IL17RB: variants seen among roughly 807,000 people sequenced by gnomAD.
The protein encoded by IL17RB is interleukin-17 receptor B.
In IL17RB, 36 loss-of-function variants were observed where a neutral mutation model predicts 43.9. The ratio of observed to expected loss-of-function variants is 0.82; its 90% confidence interval spans 0.63 to 1.08. The LOEUF (loss-of-function observed/expected upper bound fraction) is 1.08. Ranked by LOEUF, IL17RB falls within the 50% of genes least tolerant of loss-of-function variation. IL17RB has a pLI of 0.00. For missense variants in IL17RB, 613 were observed against 613.6 expected, an observed-to-expected ratio of 1.00 and a Z score of 0.01; for synonymous variants, 225 against 225.4, an observed-to-expected ratio of 1.00 and a Z score of 0.02.
At chr3:53,857,353 A>C (rs1699376534) in intron 7 of IL17RB, among the ~76,000 whole-genome samples, 1 of 152,122 alleles carries the variant, frequency 6.6e-6, no homozygotes, top group African/African-American at 2.4e-5. Context: ...TGGCACAATC[A>C]CAGCTTAGTG....
In IL17RB at chr3:53,852,038, C is replaced by T. The variant is rs144093518; in HGVS notation, c.266C>T (p.Thr89Met). 1.7e-5 allele frequency: 28 copies of T among 1,614,064 alleles called. No homozygotes were observed. Among genetic ancestry groups the T allele is most frequent in the African/African-American group, 5.3e-5 (4 of 74,994 alleles). Residue 89 changes from threonine to methionine, a missense_variant, in exon 4 of 11, where the codon ACG becomes ATG. Thr to Met is a moderately conservative substitution (Grantham distance 81). Transcript: ENST00000288167. ...TTGAAGGCCACCAAGATTTGTGTGA[C>T]GGGCAAAAGCAACTTCCAGTCCTAC... ...RLLKATKICV[T>M]GKSNFQSYSC...
chr3:53,861,329 T>G (rs1399542451), intron 10 of IL17RB: 1 of 151,264 alleles, frequency 6.6e-6, no homozygotes, highest in Non-Finnish European at 1.5e-5. Flanking sequence ...AAAAGCCAAA[T>G]TGCTTGATAT....
intron 5 of IL17RB, 120 bp from the exon 6 acceptor site, chr3:53,855,174 C>T: frequency 2.7e-6 from 1 of 372,014 alleles, no homozygotes; most frequent in South Asian, 4.7e-5. Context: ...CATCTTACAT[C>T]TGGAATGTTT....
chr3:53,856,258 A>T (rs1481286212), intron 6 of IL17RB, among the ~76,000 whole-genome samples: 3 of 152,192 alleles, frequency 2.0e-5, no homozygotes, highest in African/African-American at 7.2e-5. Context: ...TGTTCCTGGA[A>T]ATCAGTCCAG....
intron 10 of IL17RB, among the ~76,000 whole-genome samples, chr3:53,863,755 A>C (rs887416808): frequency 1.1e-4 from 16 of 152,100 alleles, no homozygotes; most frequent in African/African-American, 3.9e-4. Flanking sequence ...TGAAGTGCAG[A>C]GGTCAAGTGT....
chr3:53,853,318 A>G (rs1292966430), intron 5 of IL17RB, among the ~76,000 whole-genome samples: 1 of 152,258 alleles, frequency 6.6e-6, no homozygotes. Context: ...CTGAGAGGTT[A>G]AGTCACTTTC....
At chr3:53,856,013 C>G (rs1559778448) in intron 6 of IL17RB, among the ~76,000 whole-genome samples, 1 of 152,132 alleles carries the variant, frequency 6.6e-6, no homozygotes, top group Non-Finnish European at 1.5e-5. Context: ...TCTTAGGCAC[C>G]CTTCACTGCA....
At chr3:53,858,488 G>C (rs1461125289) in intron 8 of IL17RB, 1 of 1,384,928 alleles carries the variant, frequency 7.2e-7, no homozygotes, top group Non-Finnish European at 9.4e-7. Context: ...TTAGTAACGT[G>C]TACAAAGTTT....
intron 9 of IL17RB, chr3:53,859,203 A>T (rs1187761808): frequency 6.3e-6 from 1 of 159,966 alleles, no homozygotes; most frequent in African/African-American, 2.4e-5. Context: ...GTGGCCCAGG[A>T]TGAGCTTTTG....
intron 8 of IL17RB, chr3:53,858,254 A>C (rs1301598837): frequency 4.2e-6 from 3 of 715,426 alleles, no homozygotes; most frequent in Non-Finnish European, 5.2e-6. Flanking sequence ...TCCCTGGCAT[A>C]AAAAGTGCTC....
intron 1 of IL17RB, among the ~76,000 whole-genome samples, chr3:53,848,373 G>A (rs1699013954): frequency 6.6e-6 from 1 of 152,230 alleles, no homozygotes; most frequent in Non-Finnish European, 1.5e-5. Flanking sequence ...GCTTGCAGCA[G>A]GGAAGGATGA....
At chr3:53,846,829 G>C (rs975313535) in intron 1 of IL17RB, among the ~76,000 whole-genome samples, 181 bp downstream of exon 1, 1 of 152,228 alleles carries the variant, frequency 6.6e-6, no homozygotes, top group Non-Finnish European at 1.5e-5. Context: ...TCAGGGGCGT[G>C]GGAATCAGAC....
intron 10 of IL17RB, among the ~76,000 whole-genome samples, chr3:53,863,270 C>G (rs1040569832): frequency 6.6e-6 from 1 of 152,136 alleles, no homozygotes; most frequent in Non-Finnish European, 1.5e-5. Flanking sequence ...CATGCAGGGC[C>G]GGTGCCCCTC....
At chr3:53,850,676 A>G (rs369652714) in intron 3 of IL17RB, among the ~76,000 whole-genome samples, 2 of 151,962 alleles carry the variant, frequency 1.3e-5, no homozygotes, top group East Asian at 1.9e-4. Context: ...ATGGTGGCAC[A>G]TGCCTGTAAT....
intron 3 of IL17RB, among the ~76,000 whole-genome samples, chr3:53,850,630 T>C (rs1335001120): frequency 6.6e-6 from 1 of 150,492 alleles, no homozygotes; most frequent in Admixed American, 6.6e-5. Context: ...ATGGTGAAAC[T>C]CCATCTCTCC....
chr3:53,865,649 A>G lies in IL17RB; in HGVS notation c.*341A>G, dbSNP rs1470573901. On this transcript the variant is annotated 3_prime_UTR_variant, in exon 11 of 11. Transcript: ENST00000288167. ...CAGTGTACCCAGAACTGTTTAGCTAATATTCTATGTTTAATTAATGAATAC... is the reference window on the plus strand; with the variant it reads ...CAGTGTACCCAGAACTGTTTAGCTAGTATTCTATGTTTAATTAATGAATAC... The G allele has an allele frequency of 5.4e-6, 1 of 186,144 alleles. No individual in the cohort carries two copies. The highest frequency in any genetic ancestry group is 1.1e-5 in the Non-Finnish European group (1 of 90,626). The allele number at this position is 186,144 out of a possible 1,614,324, so 11.5% of individuals were successfully genotyped here. A position where few individuals can be genotyped will look rare whatever the true frequency, so the allele number is the denominator to read the frequency against.
chr3:53,851,365 A>T (rs1329253242), intron 3 of IL17RB, among the ~76,000 whole-genome samples: 1 of 152,124 alleles, frequency 6.6e-6, no homozygotes, highest in Non-Finnish European at 1.5e-5. Context: ...TCTGAGTGGG[A>T]TAGGGCGAGA....
intron 2 of IL17RB, among the ~76,000 whole-genome samples, chr3:53,849,199 G>T (rs149683639): frequency 1.3e-4 from 20 of 152,316 alleles, no homozygotes; most frequent in Non-Finnish European, 2.4e-4. Flanking sequence ...AGGAAGGCAG[G>T]CCTGACTCTA....
Position 53,855,288 on chromosome 3 carries a change from T to A in IL17RB, c.482-6T>A. The A allele has an allele frequency of 6.2e-7, 1 of 1,601,928 alleles. No individual in the cohort carries two copies. The highest frequency in any genetic ancestry group is 8.5e-7 in the Non-Finnish European group (1 of 1,171,226). On this transcript the variant is annotated splice_region_variant and splice_polypyrimidine_tract_variant and intron_variant, in intron 5 of 10. Coordinates refer to ENST00000288167, the MANE Select transcript of IL17RB (RefSeq NM_018725.4). ...AAAATGTAAAAACTTTCATTCAAAT[T>A]TCCAGGCTGCCTAGACCACATAATG...
Sources: gnomAD v4.1 joint callset for allele counts (sites outside exome capture counted in the v4.1 genomes callset) on GRCh38, gnomAD v4.1.1 for gene constraint, MANE v1.5 for transcripts, NCBI Gene and HGNC (gene_info 2026-07-23, HGNC 2026-07-21) for gene names.